SPMIP7: variants seen among roughly 807,000 people sequenced by gnomAD.
SPMIP7 encodes the protein sperm microtubule inner protein 7.
At chr7:50,152,384 G>T in the SPMIP7 span, among the ~76,000 whole-genome samples, 1 of 152,062 alleles carries the variant, frequency 6.6e-6, no homozygotes, top group Admixed American at 6.6e-5. Flanking sequence ...TAGATGCAAG[G>T]TTACTGAAGA....
At chr7:50,098,939 C>T in the SPMIP7 span, among the ~76,000 whole-genome samples, 1 of 152,146 alleles carries the variant, frequency 6.6e-6, no homozygotes, top group Non-Finnish European at 1.5e-5. Context: ...CTCTGGGATT[C>T]ACTTCATCTT....
chr7:50,113,667 G>T, the SPMIP7 span, among the ~76,000 whole-genome samples: 2 of 151,864 alleles, frequency 1.3e-5, no homozygotes, highest in Non-Finnish European at 2.9e-5. Context: ...TCAAAATAAA[G>T]CATCAGTTAC....
the SPMIP7 span, among the ~76,000 whole-genome samples, chr7:50,108,488 G>A: frequency 2.6e-3 from 401 of 152,184 alleles, no homozygotes; most frequent in African/African-American, 8.9e-3. Flanking sequence ...TCATGATATA[G>A]CACACCAAGA....
the SPMIP7 span, among the ~76,000 whole-genome samples, chr7:50,098,997 C>A: frequency 6.6e-6 from 1 of 152,224 alleles, no homozygotes; most frequent in African/African-American, 2.4e-5. Context: ...ATTTCCCTCC[C>A]TGCCAGGGGT....
At chr7:50,099,811 G>A in the SPMIP7 span, among the ~76,000 whole-genome samples, 1 of 152,124 alleles carries the variant, frequency 6.6e-6, no homozygotes, top group African/African-American at 2.4e-5. Flanking sequence ...ATCAACTCTT[G>A]GATCTATGGC....
At chr7:50,144,310 AT>A in the SPMIP7 span, among the ~76,000 whole-genome samples, 1 of 152,152 alleles carries the variant, frequency 6.6e-6, no homozygotes, top group Non-Finnish European at 1.5e-5. Flanking sequence ...TAAAAGTTTG[AT>A]TTCTTTTTAG....
At chr7:50,128,063 T>G in the SPMIP7 span, among the ~76,000 whole-genome samples, 2 of 152,036 alleles carry the variant, frequency 1.3e-5, no homozygotes, top group African/African-American at 4.8e-5. Flanking sequence ...GGAATCAACA[T>G]AAGTGTCCAT....
At chr7:50,107,408 A>AC in the SPMIP7 span, among the ~76,000 whole-genome samples, 12 of 149,022 alleles carry the variant, frequency 8.1e-5, no homozygotes, top group Non-Finnish European at 1.5e-4. Context: ...AAAAGAAAAA[A>AC]AAAAAAGAAA....
the SPMIP7 span, among the ~76,000 whole-genome samples, chr7:50,125,311 C>T: frequency 0.012 from 799 of 65,534 alleles, 56 homozygotes; most frequent in Non-Finnish European, 0.019. Flanking sequence ...TATATATACC[C>T]ATATATACAT....
the SPMIP7 span, chr7:50,159,250 C>T: frequency 5.7e-4 from 828 of 1,454,104 alleles, 3 homozygotes; most frequent in South Asian, 2.0e-3. Flanking sequence ...GCTGCTTCTC[C>T]GCGCTGCGCA....
At chr7:50,131,842 C>T in the SPMIP7 span, among the ~76,000 whole-genome samples, 1 of 152,026 alleles carries the variant, frequency 6.6e-6, no homozygotes. Context: ...CATGGCATGA[C>T]ACAGAGAAAT....
At chr7:50,104,401 C>G in the SPMIP7 span, 1 of 1,504,210 alleles carries the variant, frequency 6.6e-7, no homozygotes, top group Non-Finnish European at 9.0e-7. Flanking sequence ...GATGAGGAGG[C>G]AACATGTACA....
the SPMIP7 span, among the ~76,000 whole-genome samples, chr7:50,114,081 T>C: frequency 6.6e-6 from 1 of 152,046 alleles, no homozygotes; most frequent in Non-Finnish European, 1.5e-5. Flanking sequence ...TATTTAAAAT[T>C]AGAGGCAAAA....
At chr7:50,159,199 C>A in the SPMIP7 span, 4 of 1,545,842 alleles carry the variant, frequency 2.6e-6, no homozygotes, top group Non-Finnish European at 3.5e-6. Flanking sequence ...GCTGTCCAGG[C>A]CTCCGCCTGG....
the SPMIP7 span, among the ~76,000 whole-genome samples, chr7:50,156,194 C>T: frequency 6.6e-6 from 1 of 152,214 alleles, no homozygotes; most frequent in Non-Finnish European, 1.5e-5. Context: ...AAAATTGGGC[C>T]TTCCAGGCTC....
the SPMIP7 span, among the ~76,000 whole-genome samples, chr7:50,119,412 C>A: frequency 3.9e-5 from 6 of 152,056 alleles, no homozygotes; most frequent in Admixed American, 2.0e-4. Flanking sequence ...TCCTCTTTTT[C>A]CTATTTCTGC....
chr7:50,155,472 A>G, the SPMIP7 span, among the ~76,000 whole-genome samples: 26 of 152,166 alleles, frequency 1.7e-4, no homozygotes, highest in Non-Finnish European at 3.4e-4. Flanking sequence ...TTTAGGAGGG[A>G]TCCGATGCAG....
chr7:50,127,801 A>T, the SPMIP7 span, among the ~76,000 whole-genome samples: 1 of 151,926 alleles, frequency 6.6e-6, no homozygotes, highest in Non-Finnish European at 1.5e-5. Flanking sequence ...TTTATCAAAA[A>T]GTCAGGGAAT....
the SPMIP7 span, among the ~76,000 whole-genome samples, chr7:50,135,452 T>G: frequency 2.0e-5 from 3 of 152,168 alleles, no homozygotes; most frequent in Non-Finnish European, 2.9e-5. Context: ...CTTGTAAAAT[T>G]TATTCAGCTT....
Sources: gnomAD v4.1 joint callset for allele counts (sites outside exome capture counted in the v4.1 genomes callset) on GRCh38, gnomAD v4.1.1 for gene constraint, MANE v1.5 for transcripts, NCBI Gene and HGNC (gene_info 2026-07-23, HGNC 2026-07-21) for gene names.